C4orf36: variants seen among roughly 807,000 people sequenced by gnomAD.
C4orf36 encodes chromosome 4 open reading frame 36.
Under a neutral mutation model 12.2 loss-of-function variants are expected in C4orf36, and 11 were observed. That is an observed-to-expected ratio of 0.90 (90% CI 0.57 to 1.49). The LOEUF (loss-of-function observed/expected upper bound fraction) is 1.49. Ranked by LOEUF, C4orf36 falls within the 40% of genes most tolerant of loss-of-function variation. C4orf36 has a pLI of 0.00. For missense variants in C4orf36, 137 were observed against 133.9 expected, an observed-to-expected ratio of 1.02 and a Z score of -0.11; for synonymous variants, 54 against 51.3, an observed-to-expected ratio of 1.05 and a Z score of -0.22.
At chr4:86,924,040 CCT>C in the C4orf36 span, among the ~76,000 whole-genome samples, 1 of 151,400 alleles carries the variant, frequency 6.6e-6, no homozygotes, top group South Asian at 2.1e-4. Flanking sequence ...GATATTGCTC[CCT>C]CTCTCTTTTT....
chr4:86,894,488 T>C (rs1747548537), upstream of C4orf36, among the ~76,000 whole-genome samples: 1 of 152,166 alleles, frequency 6.6e-6, no homozygotes, highest in African/African-American at 2.4e-5. Context: ...ACAAGCCACC[T>C]TAGAAGGGAA....
chr4:86,897,893 C>T, the C4orf36 span, among the ~76,000 whole-genome samples: 1 of 152,204 alleles, frequency 6.6e-6, no homozygotes, highest in South Asian at 2.1e-4. Context: ...CCCCTGACAA[C>T]TACATTTGAA....
At chr4:86,913,676 G>T in the C4orf36 span, 10 of 1,603,242 alleles carry the variant, frequency 6.2e-6, no homozygotes, top group African/African-American at 1.3e-5. Context: ...ACATGGTGCT[G>T]TTGTGGCTGA....
At chr4:86,920,802 A>G in the C4orf36 span, among the ~76,000 whole-genome samples, 1 of 152,158 alleles carries the variant, frequency 6.6e-6, no homozygotes, top group African/African-American at 2.4e-5. Context: ...TAAAAGTCCT[A>G]CCTTTTAACA....
the C4orf36 span, among the ~76,000 whole-genome samples, chr4:86,897,458 C>T: frequency 3.3e-5 from 5 of 152,180 alleles, no homozygotes; most frequent in Non-Finnish European, 7.4e-5. Flanking sequence ...GAACCCAGGT[C>T]AGTTTTACTC....
the C4orf36 span, among the ~76,000 whole-genome samples, chr4:86,931,774 G>A: frequency 2.0e-4 from 30 of 152,170 alleles, no homozygotes; most frequent in Non-Finnish European, 1.0e-4. Flanking sequence ...GGTGGCTCAC[G>A]CCTGTAATCC....
At chr4:86,891,731 C>G (rs1284511014) in intron 1 of C4orf36, 138 bp from the exon 2 acceptor site, 1 of 833,712 alleles carries the variant, frequency 1.2e-6, no homozygotes, top group East Asian at 3.1e-5. Flanking sequence ...AAACCGTGTT[C>G]TCTTTCATTT....
intron 2 of C4orf36, chr4:86,890,160 T>G (rs766801075): frequency 1.3e-5 from 5 of 383,854 alleles, no homozygotes; most frequent in Admixed American, 1.2e-4. Flanking sequence ...TGTGAGACCC[T>G]GTCAGGAAAG....
At chr4:86,919,309 T>TTCC in the C4orf36 span, among the ~76,000 whole-genome samples, 2 of 108,214 alleles carry the variant, frequency 1.8e-5, no homozygotes, top group Non-Finnish European at 4.2e-5. Context: ...TTCTGCTTTT[T>TTCC]TCCCCCTTTT....
chr4:86,896,569 C>T (rs946350408), upstream of C4orf36, among the ~76,000 whole-genome samples: 2 of 152,188 alleles, frequency 1.3e-5, no homozygotes, highest in Non-Finnish European at 2.9e-5. Flanking sequence ...CTAATTGTCT[C>T]ACCTGTCTGG....
intron 4 of C4orf36, among the ~76,000 whole-genome samples, chr4:86,880,054 G>A (rs561275427): frequency 3.4e-4 from 52 of 152,124 alleles, no homozygotes; most frequent in African/African-American, 6.7e-4. Context: ...AGGTCTCACC[G>A]TATTGCTCAA....
At chr4:86,927,710 A>G in the C4orf36 span, among the ~76,000 whole-genome samples, 2 of 152,050 alleles carry the variant, frequency 1.3e-5, no homozygotes, top group African/African-American at 2.4e-5. Context: ...TGAGGTAGAG[A>G]ATTGCTTGAA....
In C4orf36 at chr4:86,879,860, T is replaced by A. The variant is rs1648459116; in HGVS notation, c.*3-3417A>T. 5.3e-5 allele frequency among the ~76,000 whole-genome samples: 8 copies of A among 151,382 alleles called. No individual in the cohort carries two copies. The South Asian group carries it at 1.5e-3, about 28-fold the overall frequency. The stretch of plus-strand genomic sequence containing the variant: ...GCAGTTTGTTTTGTTTCTTTTTTTT[T>A]TTTTTTTTGAGATAGGATCTTGCTC... On this transcript the variant is annotated intron_variant, in intron 4 of 4. Coordinates refer to ENST00000295898, the MANE Select transcript of C4orf36 (RefSeq NM_144645.4).
the C4orf36 span, among the ~76,000 whole-genome samples, chr4:86,904,802 A>G: frequency 1.3e-5 from 2 of 152,124 alleles, no homozygotes; most frequent in Non-Finnish European, 1.5e-5. Flanking sequence ...ATAATTCTCC[A>G]AAAGAGAAGC....
intron 4 of C4orf36, among the ~76,000 whole-genome samples, chr4:86,881,957 C>T (rs900418177): frequency 1.2e-4 from 19 of 152,316 alleles, no homozygotes; most frequent in Non-Finnish European, 2.1e-4. Context: ...GGATTACAGG[C>T]GTGCGCCTCC....
At chr4:86,934,884 G>A in the C4orf36 span, 1 of 152,298 alleles carries the variant, frequency 6.6e-6, no homozygotes, top group Non-Finnish European at 1.5e-5. Context: ...CTTGGGTGGC[G>A]CCAGCTAGAG....
At chr4:86,926,866 A>G in the C4orf36 span, among the ~76,000 whole-genome samples, 10 of 152,096 alleles carry the variant, frequency 6.6e-5, 1 homozygote, top group Admixed American at 3.3e-4. Context: ...TGGCTTTTCC[A>G]TCTGTTTAGC....
At chr4:86,935,384 A>G in the C4orf36 span, 2 of 151,230 alleles carry the variant, frequency 1.3e-5, no homozygotes, top group Non-Finnish European at 3.0e-5. Context: ...TGGCGTTCCC[A>G]CTTTTCCGGT....
At chr4:86,881,052 T>C (rs1391161953) in intron 4 of C4orf36, among the ~76,000 whole-genome samples, 1 of 148,766 alleles carries the variant, frequency 6.7e-6, no homozygotes, top group Non-Finnish European at 1.5e-5. Context: ...AAAAAAAAGG[T>C]TTCTCTATCT....
Sources: gnomAD v4.1 joint callset for allele counts (sites outside exome capture counted in the v4.1 genomes callset) on GRCh38, gnomAD v4.1.1 for gene constraint, MANE v1.5 for transcripts, NCBI Gene and HGNC (gene_info 2026-07-23, HGNC 2026-07-21) for gene names.